AGBL4: variants seen among roughly 807,000 people sequenced by gnomAD.
AGBL4 encodes the protein AGBL carboxypeptidase 4.
A neutral mutation model predicts 66.4 loss-of-function variants in AGBL4; 58 were observed. The ratio of observed to expected loss-of-function variants is 0.87; its 90% CI spans 0.71 to 1.09. The LOEUF (loss-of-function observed/expected upper bound fraction) is 1.09. Ranked by LOEUF, AGBL4 falls within the 50% of genes least tolerant of loss-of-function variation. The pLI, the probability that AGBL4 is intolerant of heterozygous loss-of-function variation, is 0.00. For synonymous variants in AGBL4, 234 were observed against 222.9 expected (o/e 1.05, Z -0.44); for missense variants, 579 against 631.0 (o/e 0.92, Z 0.88).
intron 3 of AGBL4, among the ~76,000 whole-genome samples, chr1:49,303,984 A>G (rs1461679958): frequency 6.6e-6 from 1 of 152,168 alleles, no homozygotes; most frequent in Non-Finnish European, 1.5e-5. Context: ...CTTTAGTTTA[A>G]TTAAACCCCA....
At chr1:49,824,666 G>A (rs539849044) in intron 2 of AGBL4, among the ~76,000 whole-genome samples, 9 of 152,312 alleles carry the variant, frequency 5.9e-5, no homozygotes, top group Admixed American at 1.3e-4. Context: ...AGAAAGAAGG[G>A]TAGGAATGGC....
At position 48,875,092 on chromosome 1, in the gene AGBL4, GAC is replaced by G. The variant is rs1274336074; in HGVS notation, c.595-7864_595-7863del. On this transcript the variant is annotated intron_variant, in intron 5 of 13. Coordinates refer to ENST00000371839, the MANE Select transcript of AGBL4 (RefSeq NM_032785.4). ...ATCTTGCTGGGGATAGAGTGAGAAA[GAC>G]ACAGCCCCTGCCCTCAAAGAGCTAG... Among the ~76,000 whole-genome samples, 6 of 152,300 alleles carry G rather than the reference GAC, an allele frequency of 3.9e-5. No individual in the cohort carries two copies. In the South Asian group the frequency reaches 1.2e-3, roughly 32 times the overall value.
chr1:49,963,256 C>A (rs2148347336), intron 1 of AGBL4, among the ~76,000 whole-genome samples: 1 of 152,202 alleles, frequency 6.6e-6, no homozygotes, highest in Middle Eastern at 3.4e-3. Context: ...TCCCATGTGT[C>A]TTCAGTATAG....
chr1:49,140,885 T>C (rs1202619323), intron 4 of AGBL4, among the ~76,000 whole-genome samples: 5 of 152,312 alleles, frequency 3.3e-5, no homozygotes, highest in South Asian at 4.1e-4. Context: ...ATAAATGCAA[T>C]GGGATTGTGA....
At chr1:49,190,948 T>C (rs1647107129) in intron 4 of AGBL4, among the ~76,000 whole-genome samples, 1 of 152,208 alleles carries the variant, frequency 6.6e-6, no homozygotes, top group African/African-American at 2.4e-5. Flanking sequence ...ATGAAAACCT[T>C]TGTTCTCAAT....
At chr1:49,496,376 T>C (rs1647570650) in intron 3 of AGBL4, among the ~76,000 whole-genome samples, 1 of 152,044 alleles carries the variant, frequency 6.6e-6, no homozygotes, top group Non-Finnish European at 1.5e-5. Flanking sequence ...TACTTATTTT[T>C]GTGGTGAGAA....
chr1:49,449,589 C>G (rs1646233085), intron 3 of AGBL4, among the ~76,000 whole-genome samples: 1 of 151,814 alleles, frequency 6.6e-6, no homozygotes, highest in Non-Finnish European at 1.5e-5. Context: ...GGACAGGAGA[C>G]TAAAATTGGT....
At chr1:49,844,178 G>C (rs954138122) in intron 2 of AGBL4, among the ~76,000 whole-genome samples, 1 of 152,196 alleles carries the variant, frequency 6.6e-6, no homozygotes, top group Non-Finnish European at 1.5e-5. Context: ...TTTACATCTA[G>C]AGTGAGATGG....
chr1:49,089,896 T>C (rs994708758), intron 4 of AGBL4, among the ~76,000 whole-genome samples: 1 of 152,060 alleles, frequency 6.6e-6, no homozygotes, highest in Non-Finnish European at 1.5e-5. Flanking sequence ...AAAGCTAATA[T>C]GCCATGATCA....
chr1:49,358,567 C>T (rs1041978594), intron 3 of AGBL4, among the ~76,000 whole-genome samples: 2 of 152,096 alleles, frequency 1.3e-5, no homozygotes, highest in Non-Finnish European at 2.9e-5. Context: ...AAGAGATAAC[C>T]ATCCTTTGCT....
intron 3 of AGBL4, among the ~76,000 whole-genome samples, chr1:49,543,901 A>G (rs1465826496): frequency 6.6e-6 from 1 of 152,208 alleles, no homozygotes; most frequent in African/African-American, 2.4e-5. Flanking sequence ...AGCCCTGGAA[A>G]AAACAAAAAA....
intron 7 of AGBL4, among the ~76,000 whole-genome samples, chr1:48,658,420 A>G (rs888338791): frequency 6.6e-6 from 1 of 152,176 alleles, no homozygotes; most frequent in Non-Finnish European, 1.5e-5. Flanking sequence ...CCAGTGTGTG[A>G]TGTGCACAAC....
chr1:48,597,215 G>A (rs748613509), intron 9 of AGBL4, among the ~76,000 whole-genome samples: 1 of 152,140 alleles, frequency 6.6e-6, no homozygotes, highest in Non-Finnish European at 1.5e-5. Context: ...CTTCTGTTAA[G>A]GTATTTATCA....
At chr1:48,994,490 C>T (rs1660852385) in intron 5 of AGBL4, among the ~76,000 whole-genome samples, 1 of 152,016 alleles carries the variant, frequency 6.6e-6, no homozygotes, top group Non-Finnish European at 1.5e-5. Flanking sequence ...GAGGTGTTAT[C>T]CCCATTTAAA....
At chr1:49,284,626 C>T (rs1644361378) in intron 3 of AGBL4, among the ~76,000 whole-genome samples, 1 of 152,108 alleles carries the variant, frequency 6.6e-6, no homozygotes, top group African/African-American at 2.4e-5. Context: ...TTCTGGAAAC[C>T]CATCTCACGT....
chr1:48,679,038 A>C (rs889904998), intron 6 of AGBL4, among the ~76,000 whole-genome samples: 1 of 152,168 alleles, frequency 6.6e-6, no homozygotes, highest in East Asian at 1.9e-4. Flanking sequence ...ATGGATATGC[A>C]AGTTGACAGT....
At chr1:48,956,323 C>T (rs1309139560) in intron 5 of AGBL4, among the ~76,000 whole-genome samples, 4 of 152,090 alleles carry the variant, frequency 2.6e-5, no homozygotes, top group Admixed American at 1.3e-4. Context: ...AGACAGAAGC[C>T]GTAAATCTTA....
chr1:48,919,101 C>G (rs141366056), intron 5 of AGBL4, among the ~76,000 whole-genome samples: 1 of 152,108 alleles, frequency 6.6e-6, no homozygotes, highest in Non-Finnish European at 1.5e-5. Context: ...TTCTTTGAGC[C>G]TATTTTAAAA....
chr1:49,384,666 CACCAGAGAAATGCAAGTCAAA>C (rs1644698504), intron 3 of AGBL4, among the ~76,000 whole-genome samples: 1 of 152,108 alleles, frequency 6.6e-6, no homozygotes, highest in African/African-American at 2.4e-5. Context: ...CTCTCATTAT[CACCAGAGAAATGCAAGTCAAA>C]ACCACAATAC....
Sources: gnomAD v4.1 joint callset for allele counts (sites outside exome capture counted in the v4.1 genomes callset) on GRCh38, gnomAD v4.1.1 for gene constraint, MANE v1.5 for transcripts, NCBI Gene and HGNC (gene_info 2026-07-23, HGNC 2026-07-21) for gene names.